The following PREX2 variants were observed in gnomAD, a reference collection of about 807,000 sequenced individuals.
PREX2 encodes the protein phosphatidylinositol-3,4,5-trisphosphate dependent Rac exchange factor 2, also known as phosphatidylinositol 3,4,5-trisphosphate-dependent Rac exchanger 2 protein.
In PREX2, 107 loss-of-function variants were observed where a neutral mutation model predicts 203.2. The ratio of observed to expected loss-of-function variants is 0.53; its 90% CI spans 0.45 to 0.62. The LOEUF (loss-of-function observed/expected upper bound fraction) is 0.62, where lower values mean the gene tolerates loss of function less well. Among genes scored for constraint, PREX2 ranks in the 20% least tolerant of loss-of-function variants. The probability of loss-of-function intolerance (pLI) is 0.00; values close to 1 mark genes in which losing one functional copy is unlikely to be tolerated. For missense variants in PREX2, 1,777 were observed against 1,955.9 expected, an observed-to-expected ratio of 0.91 and a Z score of 1.72; for synonymous variants, 672 against 663.6, an observed-to-expected ratio of 1.01 and a Z score of -0.19.
rs1398524017 is a variant in PREX2, at chr8:67,970,163, T to C, written c.141+17628T>C. On this transcript the variant is annotated intron_variant, in intron 1 of 39. Coordinates refer to ENST00000288368, the MANE Select transcript of PREX2 (RefSeq NM_024870.4). ...TGTTTATTGACCTGATGGTGTATAT[T>C]TGTGTAACAGTTGTTGAAGGTGAGT... Among the ~76,000 whole-genome samples the C allele has an allele frequency of 2.6e-5, 4 of 152,198 alleles. No individual in the cohort carries two copies. The East Asian group carries it at 7.7e-4, about 29-fold the overall frequency.
chr8:67,995,416 T>A (rs1806738380), intron 1 of PREX2, among the ~76,000 whole-genome samples: 1 of 152,216 alleles, frequency 6.6e-6, no homozygotes, highest in South Asian at 2.1e-4. Flanking sequence ...GATTATGTAA[T>A]GCTGTAATTT....
intron 21 of PREX2, among the ~76,000 whole-genome samples, chr8:68,094,255 A>G (rs1486188140): frequency 1.3e-5 from 2 of 152,252 alleles, no homozygotes; most frequent in East Asian, 1.9e-4. Context: ...ATTTGTATGC[A>G]TATTAAAATT....
At chr8:68,109,140 C>A in intron 24 of PREX2, 1 of 456,850 alleles carries the variant, frequency 2.2e-6, no homozygotes, top group South Asian at 2.1e-5. Flanking sequence ...GTATAACATG[C>A]TGAGTATAGT....
chr8:68,168,547 C>T lies in PREX2; in HGVS notation c.4346+11111C>T, dbSNP rs16934272. ...TTGTCAGAATTACCTGCTGTATATCCTCCTTGTTGTGTATTAGATTTCCTT... is the reference window on the plus strand; with the variant it reads ...TTGTCAGAATTACCTGCTGTATATCTTCCTTGTTGTGTATTAGATTTCCTT... On this transcript the variant is annotated intron_variant, in intron 35 of 39. Transcript: ENST00000288368. 4.4e-3 allele frequency among the ~76,000 whole-genome samples: 666 copies of T among 152,284 alleles called. 11 individuals carry two copies. The highest frequency in any genetic ancestry group is 0.015 in the African/African-American group (633 of 41,558).
intron 30 of PREX2, among the ~76,000 whole-genome samples, chr8:68,121,575 A>G (rs1468666898): frequency 6.6e-6 from 1 of 152,174 alleles, no homozygotes; most frequent in Non-Finnish European, 1.5e-5. Flanking sequence ...TTGGAGATAT[A>G]TGACTTTGAG....
chr8:68,035,444 TC>T (rs994431085), intron 6 of PREX2, among the ~76,000 whole-genome samples: 1 of 152,136 alleles, frequency 6.6e-6, no homozygotes, highest in African/African-American at 2.4e-5. Flanking sequence ...TTTCATCTTT[TC>T]CAAGATTGTA....
At chr8:68,149,366 A>T (rs1811388687) in intron 34 of PREX2, among the ~76,000 whole-genome samples, 1 of 152,240 alleles carries the variant, frequency 6.6e-6, no homozygotes. Context: ...ACAGGAACCT[A>T]GGCAGACAAA....
At chr8:67,966,434 T>TC (rs1430272557) in intron 1 of PREX2, among the ~76,000 whole-genome samples, 1 of 151,548 alleles carries the variant, frequency 6.6e-6, no homozygotes, top group African/African-American at 2.4e-5. Flanking sequence ...CTACAGGTTT[T>TC]TTTTTTTCCA....
At chr8:68,095,593 G>GTA (rs1810042832) in intron 21 of PREX2, among the ~76,000 whole-genome samples, 10 of 149,866 alleles carry the variant, frequency 6.7e-5, no homozygotes, top group Admixed American at 2.0e-4. Flanking sequence ...ATATGTGTGT[G>GTA]TATATATATA....
chr8:67,985,142 C>T (rs2129609312), intron 1 of PREX2, among the ~76,000 whole-genome samples: 1 of 152,226 alleles, frequency 6.6e-6, no homozygotes, highest in South Asian at 2.1e-4. Flanking sequence ...TTGAAGTATG[C>T]TTCCTATGTT....
chr8:67,955,001 G>A (rs1422630968), intron 1 of PREX2, among the ~76,000 whole-genome samples: 2 of 151,684 alleles, frequency 1.3e-5, no homozygotes, highest in South Asian at 2.1e-4. Context: ...AAAATTAGCC[G>A]GGCGTGGTGG....
At chr8:68,231,300 A>T in intron 39 of PREX2, 33 bp from the exon 40 acceptor site, 1 of 1,536,424 alleles carries the variant, frequency 6.5e-7, no homozygotes, top group Non-Finnish European at 8.8e-7. Flanking sequence ...TAATACACTA[A>T]GTCACTGTCA....
intron 35 of PREX2, among the ~76,000 whole-genome samples, chr8:68,168,656 T>G (rs943675445): frequency 6.6e-6 from 1 of 152,216 alleles, no homozygotes; most frequent in Non-Finnish European, 1.5e-5. Flanking sequence ...TGTTGATTTC[T>G]TCCTTTATTT....
intron 1 of PREX2, among the ~76,000 whole-genome samples, chr8:67,991,933 A>C (rs562087000): frequency 2.6e-5 from 4 of 152,264 alleles, no homozygotes; most frequent in Non-Finnish European, 4.4e-5. Flanking sequence ...TTTTTAAATC[A>C]TAGAAGTCAT....
At chr8:68,196,444 A>G (rs1479403250) in intron 37 of PREX2, among the ~76,000 whole-genome samples, 1 of 147,132 alleles carries the variant, frequency 6.8e-6, no homozygotes, top group African/African-American at 2.5e-5. Context: ...ATTTTTTTAT[A>G]TATTTAATAA....
chr8:67,962,887 T>A (rs1037018976), intron 1 of PREX2, among the ~76,000 whole-genome samples: 2 of 152,128 alleles, frequency 1.3e-5, no homozygotes, highest in Non-Finnish European at 2.9e-5. Flanking sequence ...GGATTACAGG[T>A]GTGAACTACC....
chr8:68,140,000 AG>A (rs1811195258), intron 33 of PREX2, among the ~76,000 whole-genome samples: 1 of 152,192 alleles, frequency 6.6e-6, no homozygotes, highest in African/African-American at 2.4e-5. Context: ...TGTTGTTTAA[AG>A]TTTTGCCTGA....
intron 25 of PREX2, among the ~76,000 whole-genome samples, chr8:68,110,076 T>C (rs937282480): frequency 1.2e-4 from 18 of 152,180 alleles, no homozygotes; most frequent in Non-Finnish European, 1.5e-5. Context: ...TATGTATCTC[T>C]AGGACGAATT....
intron 37 of PREX2, among the ~76,000 whole-genome samples, chr8:68,205,257 T>C (rs1812596961): frequency 1.3e-5 from 2 of 152,264 alleles, no homozygotes; most frequent in South Asian, 4.1e-4. Context: ...TTTAATAATT[T>C]AGATAAGAGA....
Sources: gnomAD v4.1 joint callset for allele counts (sites outside exome capture counted in the v4.1 genomes callset) on GRCh38, gnomAD v4.1.1 for gene constraint, MANE v1.5 for transcripts, NCBI Gene and HGNC (gene_info 2026-07-23, HGNC 2026-07-21) for gene names.